Variants in NATD1 observed in about 807,000 individuals in gnomAD.
NATD1 encodes protein NATD1.
In NATD1, 9 loss-of-function variants were observed where a neutral mutation model predicts 12.0. That is an observed-to-expected ratio of 0.75 (90% CI 0.45 to 1.30). The LOEUF (loss-of-function observed/expected upper bound fraction) is 1.30, where lower values mean the gene tolerates loss of function less well. NATD1 is among the 50% of genes most tolerant of loss of function. The pLI is 0.00. For missense variants in NATD1, 148 were observed against 148.5 expected (o/e 1.00, Z 0.02); for synonymous variants, 71 against 65.9 (o/e 1.08, Z -0.37).
chr17:21,244,236 G>A lies in NATD1; in HGVS notation c.107-12C>T, dbSNP rs773293800. 1 of 1,608,280 alleles carries A rather than the reference G, an allele frequency of 6.2e-7. No individual in the cohort carries two copies. The highest frequency in any genetic ancestry group is 8.5e-7 in the Non-Finnish European group (1 of 1,177,036). On this transcript the variant is annotated splice_polypyrimidine_tract_variant and intron_variant, in intron 1 of 2. Transcript: ENST00000611551. The surrounding 1 kb of genome is among the most constrained non-coding windows in gnomAD (Gnocchi z 5.2). ...CCGGTCATGACATCCTGGGGGTTGT[G>A]GAGACAGGTAAGCCTATGCTGACTC...
At position 21,244,552 on chromosome 17, in the gene NATD1, C is replaced by G. The variant is rs1172482472; in HGVS notation, c.107-328G>C. 1.3e-5 allele frequency among the ~76,000 whole-genome samples: 2 copies of G among 152,190 alleles called. No individual in the cohort carries two copies. The highest frequency in any genetic ancestry group is 2.9e-5 in the Non-Finnish European group (2 of 68,020). ...CCCCTTTCTGTAGCCCTGCTCCCTG[C>G]ATCCCCACCCCACCACATCCCTGGA... On this transcript the variant is annotated intron_variant, in intron 1 of 2. Coordinates refer to ENST00000611551, the MANE Select transcript of NATD1 (RefSeq NM_152914.3). The surrounding 1 kb of genome is among the most constrained non-coding windows in gnomAD (Gnocchi z 5.2).
chr17:21,252,156 T>G (rs1975382010), intron 1 of NATD1, among the ~76,000 whole-genome samples: 1 of 152,030 alleles, frequency 6.6e-6, no homozygotes, highest in Non-Finnish European at 1.5e-5. Context: ...AATACAAAAA[T>G]TAGCTGGGCA....
rs1407723307 is a variant in NATD1 at position 21,242,825 on chromosome 17, G to A, written c.*488C>T. 6.4e-6 allele frequency: 1 copy of A among 156,474 alleles called. No homozygotes were observed. Among genetic ancestry groups the A allele is most frequent in the African/African-American group, 2.4e-5 (1 of 41,520 alleles). 9.7% of individuals were successfully genotyped at this position (156,474 alleles called of 1,614,324 possible). A position where few individuals can be genotyped will look rare whatever the true frequency, so the allele number is the denominator to read the frequency against. ...GCACTGGGCATGGGGGTCTGAGAAA[G>A]GGGCAGCACCGCTGGCAGGTGGGGT... On this transcript the variant is annotated 3_prime_UTR_variant, in exon 3 of 3. Transcript: ENST00000611551.
At chr17:21,249,019 C>T (rs959102944) in intron 1 of NATD1, among the ~76,000 whole-genome samples, 19 of 152,108 alleles carry the variant, frequency 1.2e-4, no homozygotes, top group Admixed American at 9.8e-4. Flanking sequence ...CACCCCCATG[C>T]TCTCTCTGCC....
intron 1 of NATD1, among the ~76,000 whole-genome samples, chr17:21,246,888 G>T (rs1458602138): frequency 4.6e-5 from 7 of 152,190 alleles, no homozygotes. Flanking sequence ...GGAGGTTGAA[G>T]GAAGAGCAAG....
chr17:21,243,265 G>T lies in NATD1; in HGVS notation c.*48C>A, dbSNP rs965458955. Reference sequence around the variant, plus strand: ...TGAGAGCACGTGGGGCCAGGCAAAGGCCACGTGGAAGAGTCCGGCAGGGAG... The same window carrying T: ...TGAGAGCACGTGGGGCCAGGCAAAGTCCACGTGGAAGAGTCCGGCAGGGAG... On this transcript the variant is annotated 3_prime_UTR_variant, in exon 3 of 3. Coordinates refer to ENST00000611551, the MANE Select transcript of NATD1 (RefSeq NM_152914.3). 2 of 1,509,676 alleles carry T rather than the reference G, an allele frequency of 1.3e-6. No individual in the cohort carries two copies. The highest frequency in any genetic ancestry group is 1.4e-5 in the African/African-American group (1 of 72,498). 93.5% of individuals were successfully genotyped at this position (1,509,676 alleles called of 1,614,324 possible).
chr17:21,244,672 C>G lies in NATD1; in HGVS notation c.107-448G>C, dbSNP rs113192894. On this transcript the variant is annotated intron_variant, in intron 1 of 2. Coordinates refer to ENST00000611551, the MANE Select transcript of NATD1 (RefSeq NM_152914.3). The surrounding 1 kb of genome is among the most constrained non-coding windows in gnomAD (Gnocchi z 5.2). The stretch of plus-strand genomic sequence containing the variant: ...TGAAGAGATTAGAGAGGCAGCGCTG[C>G]GCCACGCATCAGGACCACCTGCTGG... Among the ~76,000 whole-genome samples, 1 of 152,144 alleles carries G rather than the reference C, an allele frequency of 6.6e-6. No homozygotes were observed. Among genetic ancestry groups the G allele is most frequent in the Non-Finnish European group, 1.5e-5 (1 of 68,032 alleles).
chr17:21,244,086 C>G lies in NATD1; in HGVS notation c.225+20G>C. The G allele has an allele frequency of 6.2e-7, 1 of 1,601,164 alleles. No homozygotes were observed. ...CCCATGTCCCCGTCCCCGCTTGGCC[C>G]TGCCACCTGCCTGCCCTACCTTGGC... On this transcript the variant is annotated intron_variant, in intron 2 of 2. Transcript: ENST00000611551. This position sits in a 1 kb window ranked among gnomAD's most constrained non-coding sequence, Gnocchi z 5.2.
intron 1 of NATD1, among the ~76,000 whole-genome samples, chr17:21,246,007 A>G (rs746750668): frequency 1.3e-5 from 2 of 152,112 alleles, no homozygotes; most frequent in Admixed American, 6.5e-5. Context: ...AGGACAGGAG[A>G]GCAGAGATCG....
chr17:21,252,589 TCACTCCCCC>T, intron 1 of NATD1, among the ~76,000 whole-genome samples: 1 of 150,058 alleles, frequency 6.7e-6, no homozygotes, highest in Non-Finnish European at 1.5e-5. Context: ...CCCCCGCCCC[TCACTCCCCC>T]CAGGGGACCA....
chr17:21,247,860 A>T (rs1364570812), intron 1 of NATD1, among the ~76,000 whole-genome samples: 1 of 152,126 alleles, frequency 6.6e-6, no homozygotes, highest in East Asian at 1.9e-4. Flanking sequence ...CGTGGCTGAC[A>T]GTGCTACCCT....
In NATD1 at chr17:21,244,058, G is replaced by A; in HGVS notation, c.225+48C>T. On this transcript the variant is annotated intron_variant, in intron 2 of 2. Coordinates refer to ENST00000611551, the MANE Select transcript of NATD1 (RefSeq NM_152914.3). This position sits in a 1 kb window ranked among gnomAD's most constrained non-coding sequence, Gnocchi z 5.2. ...CCGTCTCCTCGGAGCGAAGGTGGCA[G>A]CCCCCATGTCCCCGTCCCCGCTTGG... 1 of 1,523,562 alleles carries A rather than the reference G, an allele frequency of 6.6e-7. No homozygotes were observed. The highest frequency in any genetic ancestry group is 2.3e-5 in the East Asian group (1 of 43,562). 94.4% of individuals were successfully genotyped at this position (1,523,562 alleles called of 1,614,324 possible).
intron 1 of NATD1, among the ~76,000 whole-genome samples, chr17:21,250,547 C>G (rs1975365858): frequency 6.6e-6 from 1 of 152,188 alleles, no homozygotes; most frequent in South Asian, 2.1e-4. Context: ...ATGGTAGGTG[C>G]TCAACAAATA....
At chr17:21,243,616 C>T (rs1037104261) in intron 2 of NATD1, among the ~76,000 whole-genome samples, 187 bp from the exon 3 acceptor site, 17 of 152,072 alleles carry the variant, frequency 1.1e-4, no homozygotes, top group Admixed American at 1.0e-3. Flanking sequence ...AAGGAAAAAA[C>T]ACATCACCTC....
chr17:21,251,537 G>C (rs1398298300), intron 1 of NATD1, among the ~76,000 whole-genome samples: 2 of 152,128 alleles, frequency 1.3e-5, no homozygotes, highest in Non-Finnish European at 2.9e-5. Context: ...TTGGGCCAAT[G>C]GTGAAGTTCT....
chr17:21,245,620 T>A (rs1209374397), intron 1 of NATD1, among the ~76,000 whole-genome samples: 1 of 152,064 alleles, frequency 6.6e-6, no homozygotes, highest in African/African-American at 2.4e-5. Flanking sequence ...GATGCAGGGA[T>A]CCAAGTCACA....
In NATD1 at chr17:21,244,963, T is replaced by C. The variant is rs1180625105; in HGVS notation, c.107-739A>G. 6.6e-6 allele frequency among the ~76,000 whole-genome samples: 1 copy of C among 152,204 alleles called. No individual in the cohort carries two copies. Among genetic ancestry groups the C allele is most frequent in the Non-Finnish European group, 1.5e-5 (1 of 68,036 alleles). On this transcript the variant is annotated intron_variant, in intron 1 of 2. Transcript: ENST00000611551. The surrounding 1 kb of genome is among the most constrained non-coding windows in gnomAD (Gnocchi z 5.2). The stretch of plus-strand genomic sequence containing the variant: ...CATCCACTTATCCATCCACCAAATG[T>C]TTCCTGAGCCCCAGGTACTGTTTCA...
At chr17:21,249,435 C>G (rs1975356228) in intron 1 of NATD1, among the ~76,000 whole-genome samples, 1 of 152,198 alleles carries the variant, frequency 6.6e-6, no homozygotes, top group South Asian at 2.1e-4. Flanking sequence ...CGTCCCTCCC[C>G]TCCCCAGAGG....
chr17:21,252,889 G>A (rs1008799349), intron 1 of NATD1, among the ~76,000 whole-genome samples: 9 of 151,766 alleles, frequency 5.9e-5, no homozygotes, highest in African/African-American at 2.2e-4. Context: ...CCTGGCCCCT[G>A]CTCTCCCGGG....
Sources: gnomAD v4.1 joint callset for allele counts (sites outside exome capture counted in the v4.1 genomes callset) on GRCh38, gnomAD v4.1.1 for gene constraint, Gnocchi (gnomAD v3.1) non-coding constraint, MANE v1.5 for transcripts, NCBI Gene and HGNC (gene_info 2026-07-23, HGNC 2026-07-21) for gene names.